SNTB2: variants seen among roughly 807,000 people sequenced by gnomAD.
SNTB2 encodes syntrophin beta 2.
In SNTB2, 34 loss-of-function variants were observed where a neutral mutation model predicts 46.2. The ratio of observed to expected loss-of-function variants is 0.74; its 90% CI spans 0.56 to 0.98. The LOEUF (loss-of-function observed/expected upper bound fraction) is 0.98, where lower values mean the gene tolerates loss of function less well. SNTB2 is among the 50% of genes least tolerant of loss of function. The probability of loss-of-function intolerance (pLI) is 0.00; values close to 1 mark genes in which losing one functional copy is unlikely to be tolerated. For synonymous variants in SNTB2, 290 were observed against 312.6 expected, an observed-to-expected ratio of 0.93 and a Z score of 0.76; for missense variants, 603 against 731.4, an observed-to-expected ratio of 0.82 and a Z score of 2.02.
At chr16:69,300,485 C>T (rs1965268655) in intron 6 of SNTB2, among the ~76,000 whole-genome samples, 1 of 152,018 alleles carries the variant, frequency 6.6e-6, no homozygotes, top group African/African-American at 2.4e-5. Flanking sequence ...CTCCTGACCT[C>T]ATGATCTGCC....
At position 69,302,434 on chromosome 16, in the gene SNTB2, G is replaced by C. The variant is rs1314313360; in HGVS notation, c.*1510G>C. Reference sequence around the variant, plus strand: ...AAAGGTCTAGGGAAAGTTCTTGTTTGCTTGATTGATCAAGAGTGCCACGGA... The same window carrying C: ...AAAGGTCTAGGGAAAGTTCTTGTTTCCTTGATTGATCAAGAGTGCCACGGA... On this transcript the variant is annotated 3_prime_UTR_variant, in exon 7 of 7. Transcript: ENST00000336278. 1 of 152,236 alleles carries C rather than the reference G, an allele frequency of 6.6e-6. No individual in the cohort carries two copies. Among genetic ancestry groups the C allele is most frequent in the Admixed American group, 6.5e-5 (1 of 15,276 alleles). The allele number at this position is 152,236 out of a possible 1,614,324, so 9.4% of individuals were successfully genotyped here. A position where few individuals can be genotyped will look rare whatever the true frequency, so the allele number is the denominator to read the frequency against.
chr16:69,267,030 C>CTT (rs766798193), intron 3 of SNTB2, among the ~76,000 whole-genome samples: 2 of 142,858 alleles, frequency 1.4e-5, no homozygotes, highest in East Asian at 2.0e-4. Context: ...ATCAGTTTAT[C>CTT]TTTTTTTTTT....
intron 1 of SNTB2, among the ~76,000 whole-genome samples, chr16:69,198,819 G>A (rs1964132125): frequency 6.6e-6 from 1 of 151,264 alleles, no homozygotes; most frequent in African/African-American, 2.4e-5. Context: ...TTCTAAATAT[G>A]AAATAGAGAA....
intron 1 of SNTB2, among the ~76,000 whole-genome samples, chr16:69,242,157 G>C (rs758859234): frequency 6.6e-6 from 1 of 152,150 alleles, no homozygotes; most frequent in Non-Finnish European, 1.5e-5. Context: ...GCTGGGTGGT[G>C]GCTCATGCTT....
chr16:69,268,768 G>A (rs1258254731), intron 3 of SNTB2, among the ~76,000 whole-genome samples: 1 of 152,050 alleles, frequency 6.6e-6, no homozygotes, highest in South Asian at 2.1e-4. Context: ...GGGAGGCTGA[G>A]GCAGGAGAAT....
At chr16:69,285,531 G>A (rs1353438900) in intron 5 of SNTB2, among the ~76,000 whole-genome samples, 1 of 150,908 alleles carries the variant, frequency 6.6e-6, no homozygotes, top group South Asian at 2.1e-4. Context: ...CCAGGCTGGA[G>A]TGCAGTGACA....
In SNTB2 at chr16:69,303,254, C is replaced by G. The variant is rs1216531423; in HGVS notation, c.*2330C>G. The G allele has an allele frequency of 6.6e-6, 1 of 152,028 alleles. No homozygotes were observed. Among genetic ancestry groups the G allele is most frequent in the Non-Finnish European group, 1.5e-5 (1 of 68,000 alleles). The allele number at this position is 152,028 out of a possible 1,614,324, so 9.4% of individuals were successfully genotyped here. A position where few individuals can be genotyped will look rare whatever the true frequency, so the allele number is the denominator to read the frequency against. On this transcript the variant is annotated 3_prime_UTR_variant, in exon 7 of 7. Transcript: ENST00000336278. ...GAATCAGAATTTCAATATGTAATAC[C>G]CTCAGGTAGGCAATCTTGAACCCTC...
intron 3 of SNTB2, among the ~76,000 whole-genome samples, chr16:69,265,906 A>C (rs1328883471): frequency 6.6e-6 from 1 of 152,112 alleles, no homozygotes; most frequent in Non-Finnish European, 1.5e-5. Flanking sequence ...GTAGGTGTTC[A>C]AACACAAGCA....
chr16:69,275,701 A>C (rs1205788593), intron 4 of SNTB2, among the ~76,000 whole-genome samples: 1 of 152,190 alleles, frequency 6.6e-6, no homozygotes, highest in African/African-American at 2.4e-5. Flanking sequence ...AGTAATGAGA[A>C]GGGGCTGAAT....
intron 2 of SNTB2, among the ~76,000 whole-genome samples, chr16:69,248,011 T>C (rs1964686949): frequency 6.6e-6 from 1 of 152,112 alleles, no homozygotes; most frequent in Admixed American, 6.6e-5. Context: ...TAGTCCTAGC[T>C]ACTTGGGAGG....
intron 1 of SNTB2, among the ~76,000 whole-genome samples, chr16:69,228,744 A>C (rs557208570): frequency 6.6e-6 from 1 of 152,142 alleles, no homozygotes; most frequent in Non-Finnish European, 1.5e-5. Context: ...AAGTATACAC[A>C]TACTAAGTGC....
chr16:69,208,197 A>T (rs1469584351), intron 1 of SNTB2, among the ~76,000 whole-genome samples: 1 of 151,502 alleles, frequency 6.6e-6, no homozygotes, highest in Non-Finnish European at 1.5e-5. Context: ...ACCTGAGGTC[A>T]GGAGTTTGAG....
chr16:69,217,429 A>T (rs529171977), intron 1 of SNTB2, among the ~76,000 whole-genome samples: 8 of 152,126 alleles, frequency 5.3e-5, no homozygotes, highest in Non-Finnish European at 8.8e-5. Flanking sequence ...ACTGTGATTG[A>T]GCCACTGCAC....
At chr16:69,276,368 C>T (rs994781056) in intron 4 of SNTB2, among the ~76,000 whole-genome samples, 2 of 152,212 alleles carry the variant, frequency 1.3e-5, no homozygotes, top group South Asian at 2.1e-4. Flanking sequence ...CGCTGCTCAG[C>T]GAGAGTCCAG....
intron 5 of SNTB2, among the ~76,000 whole-genome samples, chr16:69,291,766 C>T (rs540310648): frequency 2.6e-5 from 4 of 151,964 alleles, no homozygotes; most frequent in East Asian, 1.9e-4. Flanking sequence ...AGTAAGACCG[C>T]GTCTCTATGA....
intron 6 of SNTB2, 94 bp from the exon 7 acceptor site, chr16:69,300,738 T>G: frequency 1.1e-6 from 1 of 879,896 alleles, no homozygotes; most frequent in African/African-American, 1.6e-5. Flanking sequence ...TCTGGCACAT[T>G]CTTTACCTAC....
At chr16:69,281,505 T>G (rs9932927) in intron 4 of SNTB2, among the ~76,000 whole-genome samples, 19,028 of 150,144 alleles carry the variant, frequency 0.13, 1,235 homozygotes, top group Middle Eastern at 0.22. Flanking sequence ...TTTTGTTTTT[T>G]TTTTTTTACA....
At chr16:69,199,873 TA>T (rs1345511705) in intron 1 of SNTB2, among the ~76,000 whole-genome samples, 2 of 151,970 alleles carry the variant, frequency 1.3e-5, no homozygotes. Context: ...GGGGGACTTT[TA>T]AAAAATGTTT....
chr16:69,226,104 C>T (rs1308136555), intron 1 of SNTB2, among the ~76,000 whole-genome samples: 1 of 152,020 alleles, frequency 6.6e-6, no homozygotes, highest in Non-Finnish European at 1.5e-5. Flanking sequence ...AGGAGTCTCA[C>T]TCTGTTGCCC....
Sources: gnomAD v4.1 joint callset for allele counts (sites outside exome capture counted in the v4.1 genomes callset) on GRCh38, gnomAD v4.1.1 for gene constraint, MANE v1.5 for transcripts, NCBI Gene and HGNC (gene_info 2026-07-23, HGNC 2026-07-21) for gene names.